HDHD5: variants seen among roughly 807,000 people sequenced by gnomAD.
The protein encoded by HDHD5 is haloacid dehalogenase like hydrolase domain containing 5, also known as haloacid dehalogenase-like hydrolase domain-containing 5.
In HDHD5, 34 loss-of-function variants were observed where a neutral mutation model predicts 35.5. That is an observed-to-expected ratio of 0.96 (90% confidence interval 0.73 to 1.28). HDHD5 has a LOEUF of 1.28. Among genes scored for constraint, HDHD5 ranks in the 50% most tolerant of loss-of-function variants. The pLI is 0.00. For synonymous variants in HDHD5, 248 were observed against 240.6 expected, an observed-to-expected ratio of 1.03 and a Z score of -0.29; for missense variants, 589 against 560.2, an observed-to-expected ratio of 1.05 and a Z score of -0.52.
Position 17,149,566 on chromosome 22 carries a change from C to T in HDHD5, c.306G>A (p.Glu102=). Residue 102 remains glutamate (E), a synonymous_variant, in exon 2 of 8, where the codon GAG becomes GAA. Coordinates refer to ENST00000336737, the MANE Select transcript of HDHD5 (RefSeq NM_033070.3). ...GNILQHSKAQ[E]LSALLGCEVD... ...CCTCGCACCCCAGCAGGGCTGACAG[C>T]TCCTGGGCTTTGCTGTGTTGTAAGA... 2.5e-6 allele frequency: 4 copies of T among 1,612,494 alleles called. No homozygotes were observed. The highest frequency in any genetic ancestry group is 3.4e-6 in the Non-Finnish European group (4 of 1,180,026).
intron 1 of HDHD5, among the ~76,000 whole-genome samples, chr22:17,154,778 A>AC (rs2123874446): frequency 7.2e-6 from 1 of 138,828 alleles, no homozygotes; most frequent in African/African-American, 2.7e-5. Flanking sequence ...ATGTGCCACC[A>AC]CATGCCTGGC....
upstream of HDHD5, among the ~76,000 whole-genome samples, chr22:17,164,083 T>C (rs1461991056): frequency 1.3e-5 from 2 of 152,166 alleles, no homozygotes; most frequent in African/African-American, 2.4e-5. Context: ...TAGCTGGGCA[T>C]GGTGGCACGC....
chr22:17,137,947 G>A lies in HDHD5; in HGVS notation c.*74C>T. 3 of 1,305,922 alleles carry A rather than the reference G, an allele frequency of 2.3e-6. No individual in the cohort carries two copies. Among genetic ancestry groups the A allele is most frequent in the Non-Finnish European group, 3.2e-6 (3 of 942,358 alleles). 80.9% of individuals were successfully genotyped at this position (1,305,922 alleles called of 1,614,324 possible). A position where few individuals can be genotyped will look rare whatever the true frequency, so the allele number is the denominator to read the frequency against. ...AACCAAGCCCTGACCTGAGCCCAGT[G>A]ATCAGGCCAGAGCCCAGCCAATGGG... On this transcript the variant is annotated 3_prime_UTR_variant, in exon 8 of 8. Transcript: ENST00000336737.
intron 7 of HDHD5, 74 bp from the exon 8 acceptor site, chr22:17,138,431 C>G: frequency 3.8e-6 from 6 of 1,559,748 alleles, no homozygotes; most frequent in Non-Finnish European, 5.2e-6. Context: ...GCAAAGGGAG[C>G]AGAGAAGAGT....
Position 17,157,085 on chromosome 22 carries a change from T to TACACACACACACACACACACACACACAC in HDHD5, c.126+2013_126+2040dup, listed in dbSNP as rs58807817. Among the ~76,000 whole-genome samples, 579 of 143,762 alleles carry TACACACACACACACACACACACACACAC rather than the reference T, an allele frequency of 4.0e-3. 2 individuals carry two copies. Among genetic ancestry groups the TACACACACACACACACACACACACACAC allele is most frequent in the Non-Finnish European group, 6.1e-3 (406 of 66,482 alleles). The allele number at this position is 143,762 out of a possible 152,430, so 94.3% of individuals were successfully genotyped here. On this transcript the variant is annotated intron_variant, in intron 1 of 7. Coordinates refer to ENST00000336737, the MANE Select transcript of HDHD5 (RefSeq NM_033070.3). ...AGAGCTAGACACCGTCTCACACACA[T>TACACACACACACACACACACACACACAC]ACACACACACACACACACACACACA...
rs760706545 is a variant in HDHD5, at chr22:17,145,149, G to T, written c.444-32C>A. The T allele has an allele frequency of 1.9e-6, 3 of 1,613,286 alleles. No homozygotes were observed. In the South Asian group the frequency reaches 3.3e-5, roughly 18 times the overall value. Reference sequence around the variant, plus strand: ...CAAGCTCAGGAAGTAATGCTGGACAGTTCTTGGGGAAGATGCCTTTCTGAA... The same window carrying T: ...CAAGCTCAGGAAGTAATGCTGGACATTTCTTGGGGAAGATGCCTTTCTGAA... On this transcript the variant is annotated intron_variant, in intron 3 of 7. Transcript: ENST00000336737.
intron 6 of HDHD5, 83 bp from the exon 7 acceptor site, chr22:17,138,821 C>G (rs1187042967): frequency 6.7e-7 from 1 of 1,491,830 alleles, no homozygotes; most frequent in Non-Finnish European, 9.2e-7. Flanking sequence ...GTCTAAGCAG[C>G]AAACACACAG....
intron 4 of HDHD5, 123 bp from the exon 5 acceptor site, chr22:17,143,254 G>T: frequency 1.9e-6 from 2 of 1,039,076 alleles, no homozygotes; most frequent in Admixed American, 3.2e-5. Context: ...CACACCCGTG[G>T]TCAAGCCCAA....
At chr22:17,147,502 C>T (rs1297855785) in intron 3 of HDHD5, among the ~76,000 whole-genome samples, 3 of 136,968 alleles carry the variant, frequency 2.2e-5, no homozygotes, top group African/African-American at 8.9e-5. Flanking sequence ...TACCGGCCTT[C>T]GATCACACGC....
At chr22:17,145,700 A>C (rs2061654990) in intron 3 of HDHD5, among the ~76,000 whole-genome samples, 1 of 152,166 alleles carries the variant, frequency 6.6e-6, no homozygotes, top group African/African-American at 2.4e-5. Context: ...TCAAAAAAAA[A>C]CAAAAAACTC....
At chr22:17,157,730 T>C (rs933019631) in intron 1 of HDHD5, among the ~76,000 whole-genome samples, 4 of 152,224 alleles carry the variant, frequency 2.6e-5, no homozygotes, top group African/African-American at 9.6e-5. Context: ...TATGTGACAC[T>C]GGCCAAGTCA....
At chr22:17,159,983 A>T (rs2061851471), upstream of HDHD5, 1 of 160,132 alleles carries the variant, frequency 6.2e-6, no homozygotes, top group Admixed American at 6.5e-5. Context: ...GTGGAGAGGT[A>T]GCCGACTCCG....
In HDHD5 at chr22:17,141,200, T is replaced by TC. The variant is rs771300387; in HGVS notation, c.604dup (p.Glu202GlyfsTer43). On this transcript the variant is annotated frameshift_variant, in exon 6 of 8. Transcript: ENST00000336737. LOFTEE classifies it high-confidence loss of function. ...ATCCATGATCAGCTGCAGGCTGGTC[T>TC]CCCAGCGGACCGGCTCCCCTAGGAG... 6 of 1,597,590 alleles carry TC rather than the reference T, an allele frequency of 3.8e-6. No homozygotes were observed. Among genetic ancestry groups the TC allele is most frequent in the Middle Eastern group, 1.7e-4 (1 of 6,006 alleles).
chr22:17,152,971 A>T (rs528123920), intron 1 of HDHD5, among the ~76,000 whole-genome samples: 29 of 152,056 alleles, frequency 1.9e-4, no homozygotes, highest in Non-Finnish European at 4.0e-4. Context: ...AAACAGGAGG[A>T]AGCAACTCGA....
chr22:17,144,284 T>A (rs1420907850), intron 4 of HDHD5, among the ~76,000 whole-genome samples: 1 of 151,772 alleles, frequency 6.6e-6, no homozygotes, highest in Non-Finnish European at 1.5e-5. Flanking sequence ...AGACAGGGTC[T>A]CACTCAGCCG....
chr22:17,150,584 T>C (rs2061715468), intron 1 of HDHD5, among the ~76,000 whole-genome samples: 1 of 151,842 alleles, frequency 6.6e-6, no homozygotes, highest in Non-Finnish European at 1.5e-5. Context: ...AGCAGCGTTA[T>C]CTCAGCTCAC....
intron 5 of HDHD5, chr22:17,141,630 A>G (rs1453207751): frequency 9.5e-7 from 1 of 1,048,418 alleles, no homozygotes; most frequent in African/African-American, 1.7e-5. Flanking sequence ...GGCAGAACCT[A>G]ACAGCCAGGA....
rs2061688309 is a variant in HDHD5 at position 17,148,352 on chromosome 22, A to G, written c.443+96T>C. On this transcript the variant is annotated intron_variant, in intron 3 of 7. Transcript: ENST00000336737. ...CACAACATCGCCTGTGTACCCCAGC[A>G]CCCAGCACTCCTCACTACAGTCCCC... The G allele has an allele frequency of 1.3e-5, 13 of 982,690 alleles. No individual in the cohort carries two copies. In the South Asian group the frequency reaches 1.7e-4, roughly 13 times the overall value. The allele number at this position is 982,690 out of a possible 1,614,324, so 60.9% of individuals were successfully genotyped here.
At chr22:17,152,826 T>C (rs917145368) in intron 1 of HDHD5, among the ~76,000 whole-genome samples, 1 of 152,072 alleles carries the variant, frequency 6.6e-6, no homozygotes, top group African/African-American at 2.4e-5. Flanking sequence ...TCCCATCTTC[T>C]TTCCACTGAA....
Sources: gnomAD v4.1 joint callset for allele counts (sites outside exome capture counted in the v4.1 genomes callset) on GRCh38, gnomAD v4.1.1 for gene constraint, MANE v1.5 for transcripts, NCBI Gene and HGNC (gene_info 2026-07-23, HGNC 2026-07-21) for gene names.